Variants in PALM2AKAP2 observed in about 807,000 individuals in gnomAD.
The protein encoded by PALM2AKAP2 is PALM2-AKAP2 fusion protein.
Under a neutral mutation model 71.5 loss-of-function variants are expected in PALM2AKAP2, and 37 were observed. The observed-to-expected ratio is 0.52, with a 90% confidence interval of 0.40 to 0.68. The LOEUF (loss-of-function observed/expected upper bound fraction) is 0.68. Among genes scored for constraint, PALM2AKAP2 ranks in the 30% least tolerant of loss-of-function variants. PALM2AKAP2 has a pLI of 0.00. For missense variants in PALM2AKAP2, 1,224 were observed against 1,191.8 expected (o/e 1.03, Z -0.40); for synonymous variants, 468 against 478.8 (o/e 0.98, Z 0.29).
At chr9:110,143,467 G>A (rs1836087393) in intron 2 of PALM2AKAP2, among the ~76,000 whole-genome samples, 2 of 150,982 alleles carry the variant, frequency 1.3e-5, no homozygotes, top group South Asian at 4.2e-4. Flanking sequence ...ACCTTTGCAG[G>A]TACATGAGCC....
At chr9:109,655,088 G>C in intron 1 of PALM2AKAP2, among the ~76,000 whole-genome samples, 1 of 152,192 alleles carries the variant, frequency 6.6e-6, no homozygotes, top group South Asian at 2.1e-4. Flanking sequence ...AGGAGATTGA[G>C]ACCATCCTGG....
At chr9:109,655,242 G>C (rs577611745) in intron 1 of PALM2AKAP2, among the ~76,000 whole-genome samples, 1 of 150,778 alleles carries the variant, frequency 6.6e-6, no homozygotes, top group South Asian at 2.1e-4. Context: ...CTTGCACCGC[G>C]TGAGCCGAGA....
intron 6 of PALM2AKAP2, among the ~76,000 whole-genome samples, chr9:109,952,691 T>G (rs1831666673): frequency 6.6e-6 from 1 of 152,252 alleles, no homozygotes; most frequent in East Asian, 1.9e-4. Context: ...CAGATTCATC[T>G]TACACAGTGA....
chr9:110,162,848 G>A (rs989972438), intron 3 of PALM2AKAP2, among the ~76,000 whole-genome samples: 1 of 152,074 alleles, frequency 6.6e-6, no homozygotes, highest in African/African-American at 2.4e-5. Context: ...AACTACTGGT[G>A]TGTGCCACTA....
intron 1 of PALM2AKAP2, among the ~76,000 whole-genome samples, chr9:109,792,673 C>T (rs13294989): frequency 0.18 from 26,992 of 151,726 alleles, 2,685 homozygotes; most frequent in East Asian, 0.31. Flanking sequence ...CTTGGGTTCC[C>T]AGCCATTGGT....
chr9:109,831,450 AC>A (rs61081791), intron 1 of PALM2AKAP2, among the ~76,000 whole-genome samples: 36,872 of 152,038 alleles, frequency 0.24, 5,024 homozygotes, highest in South Asian at 0.36. Context: ...CTAGGCTACC[AC>A]CTGTCCTGTT....
chr9:109,798,271 A>T (rs1827319867), intron 1 of PALM2AKAP2, among the ~76,000 whole-genome samples: 1 of 152,144 alleles, frequency 6.6e-6, no homozygotes, highest in Admixed American at 6.5e-5. Context: ...AAATATCCTG[A>T]GGTACTGGGG....
chr9:110,115,623 A>G (rs969502642), intron 1 of PALM2AKAP2, among the ~76,000 whole-genome samples: 1 of 152,112 alleles, frequency 6.6e-6, no homozygotes, highest in Non-Finnish European at 1.5e-5. Flanking sequence ...AGTGAATTGG[A>G]TTAGAGTTCT....
At chr9:110,081,074 G>T (rs181633485) in intron 1 of PALM2AKAP2, among the ~76,000 whole-genome samples, 1 of 152,148 alleles carries the variant, frequency 6.6e-6, no homozygotes, top group African/African-American at 2.4e-5. Context: ...GAATCCTTCC[G>T]GAGACTGAAT....
chr9:110,150,530 A>T (rs1442714764), intron 2 of PALM2AKAP2, among the ~76,000 whole-genome samples: 1 of 152,176 alleles, frequency 6.6e-6, no homozygotes, highest in Non-Finnish European at 1.5e-5. Flanking sequence ...CAATTACATC[A>T]GACCCAACTG....
intron 1 of PALM2AKAP2, among the ~76,000 whole-genome samples, chr9:110,081,742 T>C (rs934806097): frequency 1.3e-5 from 2 of 151,988 alleles, no homozygotes; most frequent in Non-Finnish European, 2.9e-5. Flanking sequence ...GAATCTCACA[T>C]CCAGTGGCTT....
chr9:109,820,031 T>A (rs1435155296), intron 1 of PALM2AKAP2, among the ~76,000 whole-genome samples: 2 of 152,236 alleles, frequency 1.3e-5, no homozygotes, highest in East Asian at 3.9e-4. Flanking sequence ...AGTAGTAAAA[T>A]AGATCAGTAT....
At chr9:109,964,314 T>G (rs1831904534) in intron 6 of PALM2AKAP2, among the ~76,000 whole-genome samples, 1 of 152,052 alleles carries the variant, frequency 6.6e-6, no homozygotes, top group African/African-American at 2.4e-5. Context: ...CTAAATTGGT[T>G]TAGTGGTGAA....
At chr9:109,733,204 G>A (rs1828582035) in intron 1 of PALM2AKAP2, among the ~76,000 whole-genome samples, 1 of 152,184 alleles carries the variant, frequency 6.6e-6, no homozygotes, top group Non-Finnish European at 1.5e-5. Flanking sequence ...CTGGAAAGGG[G>A]TTGAGGGAAA....
At chr9:109,657,942 G>T (rs375632198) in intron 1 of PALM2AKAP2, among the ~76,000 whole-genome samples, 23 of 105,376 alleles carry the variant, frequency 2.2e-4, no homozygotes, top group African/African-American at 7.5e-4. Flanking sequence ...GTGTGTTTGT[G>T]TGTGTGTGTG....
intron 1 of PALM2AKAP2, among the ~76,000 whole-genome samples, chr9:109,774,093 C>T (rs1829314184): frequency 6.6e-6 from 1 of 152,226 alleles, no homozygotes; most frequent in South Asian, 2.1e-4. Context: ...TGCTGACTTG[C>T]AGAATGTACA....
At chr9:109,952,022 G>T (rs1225173418) in intron 6 of PALM2AKAP2, among the ~76,000 whole-genome samples, 1 of 152,168 alleles carries the variant, frequency 6.6e-6, no homozygotes, top group South Asian at 2.1e-4. Context: ...TGGGGACTTT[G>T]TTTCTCTTGT....
intron 1 of PALM2AKAP2, among the ~76,000 whole-genome samples, chr9:110,097,569 C>G (rs1429809954): frequency 6.7e-6 from 1 of 149,700 alleles, no homozygotes; most frequent in Non-Finnish European, 1.5e-5. Context: ...GATGGGTGGC[C>G]GGGCAGAGAC....
intron 1 of PALM2AKAP2, among the ~76,000 whole-genome samples, chr9:110,066,287 C>T (rs1834077224): frequency 1.3e-5 from 2 of 152,158 alleles, no homozygotes; most frequent in African/African-American, 2.4e-5. Context: ...TTTGTGACTT[C>T]CTGTCCTTGT....
Sources: allele counts gnomAD v4.1 joint callset (sites outside exome capture counted in the v4.1 genomes callset), GRCh38; gene constraint gnomAD v4.1.1; transcripts MANE v1.5; gene names NCBI Gene and HGNC (gene_info 2026-07-23, HGNC 2026-07-21).